HERC2: variants seen among roughly 807,000 people sequenced by gnomAD.
HERC2 encodes the protein E3 ubiquitin-protein ligase HERC2.
A neutral mutation model predicts 537.7 loss-of-function variants in HERC2; 102 were observed. That is an observed-to-expected ratio of 0.19 (90% CI 0.16 to 0.22). The LOEUF is 0.22. Ranked by LOEUF, HERC2 falls within the 10% of genes least tolerant of loss-of-function variation. HERC2 has a pLI of 1.00. For missense variants in HERC2, 4,236 were observed against 6,198.2 expected (o/e 0.68, Z 10.63); for synonymous variants, 2,224 against 2,466.2 (o/e 0.90, Z 2.91).
In HERC2 at chr15:28,122,461, G is replaced by C. The variant is rs1889026608; in HGVS notation, c.13189-1032C>G. Reference sequence around the variant, plus strand: ...ACTCCAAGCCCTGAAGGCAGGAGGTGAGGGCCCCAAGCGCCAGAGGAGACC... The same window carrying C: ...ACTCCAAGCCCTGAAGGCAGGAGGTCAGGGCCCCAAGCGCCAGAGGAGACC... On this transcript the variant is annotated intron_variant, in intron 85 of 92. Coordinates refer to ENST00000261609, the MANE Select transcript of HERC2 (RefSeq NM_004667.6). The surrounding 1 kb of genome is among the most constrained non-coding windows in gnomAD (Gnocchi z 4.1). Among the ~76,000 whole-genome samples the C allele has an allele frequency of 6.6e-6, 1 of 152,302 alleles. No individual in the cohort carries two copies. Among genetic ancestry groups the C allele is most frequent in the South Asian group, 2.1e-4 (1 of 4,832 alleles).
intron 23 of HERC2, among the ~76,000 whole-genome samples, chr15:28,241,000 T>C (rs1220106485): frequency 6.6e-6 from 1 of 152,158 alleles, no homozygotes; most frequent in East Asian, 1.9e-4. Flanking sequence ...GTGTCTTGAA[T>C]AGGACACCAA....
At chr15:28,136,754 T>C (rs6497281) in intron 78 of HERC2, among the ~76,000 whole-genome samples, 146,916 of 152,082 alleles carry the variant, frequency 0.97, 71,078 homozygotes, top group Non-Finnish European at 0.99. Context: ...CAACAGAGAC[T>C]ATATGGCCCA....
chr15:28,179,034 C>A lies in HERC2; in HGVS notation c.9020-4G>T. On this transcript the variant is annotated splice_polypyrimidine_tract_variant and splice_region_variant and intron_variant, in intron 58 of 92. Transcript: ENST00000261609. Reference sequence around the variant, plus strand: ...TACACCTTCCCTTCCACAGTCACTGCAAGGAACGACAGCCAGGAGAGGACT... The same window carrying A: ...TACACCTTCCCTTCCACAGTCACTGAAAGGAACGACAGCCAGGAGAGGACT... 2 of 1,613,004 alleles carry A rather than the reference C, an allele frequency of 1.2e-6. No individual in the cohort carries two copies. The highest frequency in any genetic ancestry group is 1.7e-6 in the Non-Finnish European group (2 of 1,179,306).
chr15:28,292,137 G>A (rs1261907444), intron 4 of HERC2, among the ~76,000 whole-genome samples: 2 of 149,096 alleles, frequency 1.3e-5, no homozygotes, highest in African/African-American at 2.5e-5. Context: ...GATGAGGCAG[G>A]AGAATCACTT....
At position 28,135,558 on chromosome 15, in the gene HERC2, G is replaced by A. The variant is rs1890551250; in HGVS notation, c.12150C>T (p.His4050=). The stretch of plus-strand genomic sequence containing the variant: ...CTCCTTCTGAAGACAGGGCAAGGCA[G>A]TGCTTTCCTCCAGAGTTCACAGCTA... ...KKVAVNSGGK[H]CLALSSEGEV... Residue 4050 remains histidine, a synonymous_variant, in exon 79 of 93, where the codon CAC becomes CAT. Transcript: ENST00000261609. The A allele has an allele frequency of 6.2e-7, 1 of 1,614,224 alleles. No individual in the cohort carries two copies. Among genetic ancestry groups the A allele is most frequent in the Admixed American group, 1.7e-5 (1 of 60,036 alleles).
chr15:28,304,844 A>C, intron 2 of HERC2, among the ~76,000 whole-genome samples: 1 of 122,756 alleles, frequency 8.1e-6, no homozygotes, highest in Non-Finnish European at 1.7e-5. Context: ...ATATCTCCCA[A>C]TGCTACCCCT....
intron 6 of HERC2, 125 bp downstream of exon 6, chr15:28,274,780 A>T: frequency 1.3e-6 from 1 of 748,650 alleles, no homozygotes; most frequent in Non-Finnish European, 2.3e-6. Flanking sequence ...CTCACAAGCA[A>T]GGAAACTGAG....
intron 83 of HERC2, among the ~76,000 whole-genome samples, chr15:28,125,975 C>G (rs993012369): frequency 6.6e-6 from 1 of 152,178 alleles, no homozygotes; most frequent in Non-Finnish European, 1.5e-5. Context: ...CCATGCCCAG[C>G]TAATTTTTGT....
intron 86 of HERC2, chr15:28,117,613 A>G (rs1888420054): frequency 6.6e-6 from 3 of 452,808 alleles, no homozygotes; most frequent in South Asian, 4.8e-5. Flanking sequence ...GCACTCAAAG[A>G]TTCAACCCAA....
rs1332330893 is a variant in HERC2, at chr15:28,233,757, G to A, written c.4258C>T (p.His1420Tyr). The stretch of plus-strand genomic sequence containing the variant: ...GGAAACATGATCGGTGTGGTCAAAT[G>A]GCACTGCCTACAGTACCTTTCTATT... ...CQIERYCRQC[H>Y]LTTPIMFPPE... Residue 1420 changes from histidine (H) to tyrosine (Y), a missense_variant, in exon 28 of 93, where the codon CAT becomes TAT. This residue lies in a region of HERC2 where 94 missense variants were observed against 174.9 expected (regional missense o/e 0.54). Transcript: ENST00000261609. The A allele has an allele frequency of 1.2e-6, 2 of 1,612,622 alleles. No individual in the cohort carries two copies. Among genetic ancestry groups the A allele is most frequent in the East Asian group, 2.2e-5 (1 of 44,880 alleles).
chr15:28,133,562 T>G (rs1890317972), intron 79 of HERC2, among the ~76,000 whole-genome samples: 1 of 152,254 alleles, frequency 6.6e-6, no homozygotes, highest in South Asian at 2.1e-4. Context: ...CCAGAACTTT[T>G]AAGTTTTACA....
Position 28,256,084 on chromosome 15 carries a change from C to G in HERC2, c.2746+5G>C. On this transcript the variant is annotated splice_donor_5th_base_variant and intron_variant, in intron 18 of 92. Coordinates refer to ENST00000261609, the MANE Select transcript of HERC2 (RefSeq NM_004667.6). The stretch of plus-strand genomic sequence containing the variant: ...TGCCCTCTCCTGTTCCTTCCCCAGG[C>G]CCACCTGCGCAGGGCAGGAGAGCAG... 6.2e-7 allele frequency: 1 copy of G among 1,603,258 alleles called. No individual in the cohort carries two copies. The highest frequency in any genetic ancestry group is 1.3e-5 in the African/African-American group (1 of 75,028).
chr15:28,136,999 A>T (rs1189943902), intron 78 of HERC2, among the ~76,000 whole-genome samples: 2 of 152,094 alleles, frequency 1.3e-5, no homozygotes, highest in African/African-American at 4.8e-5. Context: ...CATTTAGCTA[A>T]CTCAAAAAAA....
chr15:28,246,982 A>AG, intron 21 of HERC2, 85 bp from the exon 22 acceptor site: 3 of 1,123,370 alleles, frequency 2.7e-6, no homozygotes, highest in Non-Finnish European at 3.9e-6. Flanking sequence ...TGCTATTCTC[A>AG]TCTACACATC....
chr15:28,160,833 G>A (rs1157669247), intron 69 of HERC2, among the ~76,000 whole-genome samples: 1 of 152,188 alleles, frequency 6.6e-6, no homozygotes, highest in African/African-American at 2.4e-5. Context: ...CTCACACTGG[G>A]AGCTGTAGAC....
At chr15:28,121,792 GC>G (rs1888920692) in intron 85 of HERC2, among the ~76,000 whole-genome samples, 1 of 152,240 alleles carries the variant, frequency 6.6e-6, no homozygotes, top group African/African-American at 2.4e-5. Flanking sequence ...AGGTTTCCCT[GC>G]CAAGCAAGCC....
At chr15:28,238,334 A>C in intron 24 of HERC2, 117 bp from the exon 25 acceptor site, 1 of 860,196 alleles carries the variant, frequency 1.2e-6, no homozygotes, top group Non-Finnish European at 2.0e-6. Flanking sequence ...GGGTTACCAG[A>C]GTATAATGAC....
At chr15:28,194,384 C>G (rs1234469594) in intron 52 of HERC2, among the ~76,000 whole-genome samples, 1 of 149,538 alleles carries the variant, frequency 6.7e-6, no homozygotes, top group Non-Finnish European at 1.5e-5. Context: ...TCCTGGCTAA[C>G]ACGGTGAAAC....
intron 38 of HERC2, among the ~76,000 whole-genome samples, chr15:28,218,044 T>C (rs1035859353): frequency 2.0e-5 from 3 of 151,910 alleles, no homozygotes; most frequent in African/African-American, 7.3e-5. Context: ...ACCCCTATCG[T>C]ACCTCGGCAG....
Sources: allele counts gnomAD v4.1 joint callset (sites outside exome capture counted in the v4.1 genomes callset), GRCh38; gene constraint gnomAD v4.1.1; regional missense constraint gnomAD v4.1.1; non-coding constraint Gnocchi (gnomAD v3.1); transcripts MANE v1.5; gene names NCBI Gene and HGNC (gene_info 2026-07-23, HGNC 2026-07-21).